SGCD: variants seen among roughly 807,000 people sequenced by gnomAD.
SGCD encodes delta-sarcoglycan.
Under a neutral mutation model 36.6 loss-of-function variants are expected in SGCD, and 18 were observed. That is an observed-to-expected ratio of 0.49 (90% confidence interval 0.34 to 0.73). The LOEUF (loss-of-function observed/expected upper bound fraction) is 0.73, where lower values mean the gene tolerates loss of function less well. Among genes scored for constraint, SGCD ranks in the 30% least tolerant of loss-of-function variants. SGCD has a pLI of 0.01. For synonymous variants in SGCD, 133 were observed against 130.6 expected, an observed-to-expected ratio of 1.02 and a Z score of -0.12; for missense variants, 387 against 346.7, an observed-to-expected ratio of 1.12 and a Z score of -0.92.
chr5:156,546,715 G>A (rs995161452), intron 4 of SGCD, among the ~76,000 whole-genome samples: 1 of 152,156 alleles, frequency 6.6e-6, no homozygotes, highest in African/African-American at 2.4e-5. Context: ...ATCTTGTCAG[G>A]TAGGAATTAC....
chr5:156,208,727 ATTC>A (rs1764356466), intron 3 of SGCD, among the ~76,000 whole-genome samples: 1 of 152,170 alleles, frequency 6.6e-6, no homozygotes, highest in Admixed American at 6.5e-5. Flanking sequence ...TTGTGCTTAT[ATTC>A]TTCTGCTCTG....
At chr5:156,635,288 A>C (rs1315202999) in intron 6 of SGCD, among the ~76,000 whole-genome samples, 1 of 152,136 alleles carries the variant, frequency 6.6e-6, no homozygotes, top group Non-Finnish European at 1.5e-5. Flanking sequence ...GAAAAAATGC[A>C]CATGATCACT....
chr5:155,980,523 GC>G (rs1359564464), intron 1 of SGCD, among the ~76,000 whole-genome samples: 1 of 139,536 alleles, frequency 7.2e-6, no homozygotes, highest in African/African-American at 2.7e-5. Context: ...GAGAGGCAGA[GC>G]TTGCAGTGAG....
intron 7 of SGCD, among the ~76,000 whole-genome samples, chr5:156,752,012 C>A (rs1757163781): frequency 6.6e-6 from 1 of 152,172 alleles, no homozygotes; most frequent in Non-Finnish European, 1.5e-5. Flanking sequence ...AAAACAAAAA[C>A]CCAAAACCAA....
chr5:156,487,626 A>G (rs1041365508), intron 3 of SGCD, among the ~76,000 whole-genome samples: 68 of 151,636 alleles, frequency 4.5e-4, no homozygotes, highest in Non-Finnish European at 1.2e-4. Context: ...CATCTCTACT[A>G]AAAATACAAA....
intron 7 of SGCD, among the ~76,000 whole-genome samples, chr5:156,740,736 C>A (rs1206692393): frequency 6.6e-6 from 1 of 152,202 alleles, no homozygotes; most frequent in Non-Finnish European, 1.5e-5. Context: ...TTCTCAACCA[C>A]CTCCTTAAAG....
At chr5:156,409,524 G>T (rs1772627559) in intron 3 of SGCD, among the ~76,000 whole-genome samples, 1 of 152,132 alleles carries the variant, frequency 6.6e-6, no homozygotes, top group Admixed American at 6.5e-5. Flanking sequence ...CTTATTTGCA[G>T]CATACCCCTT....
At chr5:156,280,793 T>C (rs190134968) in intron 3 of SGCD, among the ~76,000 whole-genome samples, 1 of 152,336 alleles carries the variant, frequency 6.6e-6, no homozygotes, top group Admixed American at 6.5e-5. Context: ...ATAGAATTCC[T>C]ACCAGCAACA....
In SGCD at chr5:156,595,070, T is replaced by A. The variant is rs1760874450; in HGVS notation, c.502+19T>A. ...GTTTTAGGTAAGGAAACTTGAATCATTTAACTTGTTTGATGCTACTGTGTA... is the reference window on the plus strand; with the variant it reads ...GTTTTAGGTAAGGAAACTTGAATCAATTAACTTGTTTGATGCTACTGTGTA... On this transcript the variant is annotated intron_variant, in intron 6 of 8. Coordinates refer to ENST00000337851, the MANE Select transcript of SGCD (RefSeq NM_000337.6). 6.2e-7 allele frequency: 1 copy of A among 1,600,206 alleles called. No homozygotes were observed. Among genetic ancestry groups the A allele is most frequent in the African/African-American group, 1.3e-5 (1 of 74,792 alleles).
chr5:156,597,188 G>A (rs1460858411), intron 6 of SGCD, among the ~76,000 whole-genome samples: 3 of 151,990 alleles, frequency 2.0e-5, no homozygotes, highest in African/African-American at 7.3e-5. Context: ...ATGTTTTCCA[G>A]TGACCAAAGC....
At chr5:156,081,815 A>G (rs1760960590) in intron 1 of SGCD, among the ~76,000 whole-genome samples, 1 of 152,202 alleles carries the variant, frequency 6.6e-6, no homozygotes, top group African/African-American at 2.4e-5. Flanking sequence ...ATAAGGAGAA[A>G]AATCATACAA....
intron 1 of SGCD, among the ~76,000 whole-genome samples, chr5:155,888,009 G>C (rs1756046098): frequency 6.6e-6 from 1 of 152,180 alleles, no homozygotes. Context: ...TACACACTTA[G>C]TGAATGGCAG....
chr5:156,020,731 C>G (rs1199508053), intron 1 of SGCD, among the ~76,000 whole-genome samples: 1 of 152,194 alleles, frequency 6.6e-6, no homozygotes, highest in East Asian at 1.9e-4. Context: ...TTACCATCAT[C>G]ATCGCTAGTG....
At chr5:155,728,221 G>T in the SGCD span, among the ~76,000 whole-genome samples, 52 of 152,190 alleles carry the variant, frequency 3.4e-4, no homozygotes, top group East Asian at 9.8e-3. Context: ...AGCCCCGCCA[G>T]CCGGAGCGCG....
chr5:156,047,600 A>G (rs1759801721), intron 1 of SGCD, among the ~76,000 whole-genome samples: 1 of 152,174 alleles, frequency 6.6e-6, no homozygotes, highest in Non-Finnish European at 1.5e-5. Flanking sequence ...TGTTTATAGC[A>G]TGGCTAATTG....
chr5:155,728,462 C>T, the SGCD span, among the ~76,000 whole-genome samples: 2 of 152,208 alleles, frequency 1.3e-5, no homozygotes, highest in African/African-American at 4.8e-5. Context: ...GGAGGAGGGG[C>T]ACGGCGGATT....
chr5:156,069,627 G>T (rs1437092819), intron 1 of SGCD, among the ~76,000 whole-genome samples: 1 of 151,930 alleles, frequency 6.6e-6, no homozygotes, highest in African/African-American at 2.4e-5. Context: ...GGTTCCATAT[G>T]AACTTTAAAG....
chr5:155,746,240 T>G, the SGCD span, among the ~76,000 whole-genome samples: 1 of 152,166 alleles, frequency 6.6e-6, no homozygotes, highest in Non-Finnish European at 1.5e-5. Context: ...GTATTGTTAC[T>G]GAGAAGTGTG....
chr5:155,980,403 G>A (rs1758201673), intron 1 of SGCD, among the ~76,000 whole-genome samples: 1 of 151,598 alleles, frequency 6.6e-6, no homozygotes, highest in Non-Finnish European at 1.5e-5. Flanking sequence ...GGCTAACACG[G>A]TGAAACCCCG....
Sources: allele counts gnomAD v4.1 joint callset (sites outside exome capture counted in the v4.1 genomes callset), GRCh38; gene constraint gnomAD v4.1.1; transcripts MANE v1.5; gene names NCBI Gene and HGNC (gene_info 2026-07-23, HGNC 2026-07-21).